Variants in DCAF8L2 observed in about 807,000 individuals in gnomAD.
DCAF8L2 encodes DDB1- and CUL4-associated factor 8-like protein 2.
For missense variants in DCAF8L2, 430 were observed against 490.7 expected (o/e 0.88, Z 1.17); for synonymous variants, 200 against 190.9 (o/e 1.05, Z -0.39).
chrX:27,517,824 G>C, the DCAF8L2 span: 1 of 1,088,105 alleles, frequency 9.2e-7, no homozygotes, highest in African/African-American at 1.8e-5. Flanking sequence ...ATCTGTCGCA[G>C]AGTCTTGTAC....
At chrX:27,548,683 T>A in the DCAF8L2 span, among the ~76,000 whole-genome samples, 1 of 111,886 alleles carries the variant, frequency 8.9e-6, no homozygotes, top group African/African-American at 3.2e-5. Context: ...CATACAGATA[T>A]AAGGTTTGAT....
At chrX:27,568,833 C>G in the DCAF8L2 span, among the ~76,000 whole-genome samples, 41 of 107,240 alleles carry the variant, frequency 3.8e-4, no homozygotes, top group Non-Finnish European at 9.6e-5. Flanking sequence ...CCCCCCACCC[C>G]ACAACAGGCC....
At chrX:27,519,079 G>T in the DCAF8L2 span, 61 of 1,045,343 alleles carry the variant, frequency 5.8e-5, no homozygotes, top group African/African-American at 9.3e-4. Context: ...GAAGTCTCAG[G>T]CTAGGGAGGG....
At chrX:27,473,237 C>T in the DCAF8L2 span, among the ~76,000 whole-genome samples, 2 of 112,204 alleles carry the variant, frequency 1.8e-5, no homozygotes, top group East Asian at 2.8e-4. Flanking sequence ...TAACTGATAA[C>T]TTTGTTCTTG....
chrX:27,505,516 G>C, the DCAF8L2 span, among the ~76,000 whole-genome samples: 1 of 111,524 alleles, frequency 9.0e-6, no homozygotes, highest in South Asian at 3.7e-4. Flanking sequence ...TCAATACATA[G>C]ATATATCATC....
the DCAF8L2 span, among the ~76,000 whole-genome samples, chrX:27,569,801 G>A: frequency 9.0e-6 from 1 of 111,500 alleles, no homozygotes; most frequent in Non-Finnish European, 1.9e-5. Context: ...CTGTTAATAC[G>A]CTAGCTTCTT....
At chrX:27,649,138 CT>C (rs1216734555) in intron 2 of DCAF8L2, among the ~76,000 whole-genome samples, 12 of 112,092 alleles carry the variant, frequency 1.1e-4, no homozygotes, top group African/African-American at 3.9e-4. Context: ...TGATTTTATT[CT>C]TTTTTTGTGG....
intron 3 of DCAF8L2, among the ~76,000 whole-genome samples, chrX:27,714,440 T>A (rs1931628841): frequency 9.0e-6 from 1 of 111,417 alleles, no homozygotes; most frequent in Non-Finnish European, 1.9e-5. Context: ...CTGTTTGTCA[T>A]AATAAGGCAA....
intron 2 of DCAF8L2, chrX:27,632,704 C>T (rs1928341212): frequency 9.0e-6 from 1 of 111,576 alleles, no homozygotes; most frequent in Non-Finnish European, 1.9e-5. Context: ...CCAAAGATGC[C>T]TACTCCTGAC....
At chrX:27,729,630 A>T (rs1050906797) in intron 4 of DCAF8L2, among the ~76,000 whole-genome samples, 1 of 111,848 alleles carries the variant, frequency 8.9e-6, no homozygotes, top group African/African-American at 3.3e-5. Flanking sequence ...TTTGGTTCAT[A>T]GATGGTATTT....
intron 3 of DCAF8L2, among the ~76,000 whole-genome samples, chrX:27,693,737 A>G (rs1930794389): frequency 8.9e-6 from 1 of 112,007 alleles, no homozygotes. Context: ...CTGTAGAGAA[A>G]AAGGAACGTT....
chrX:27,651,836 G>A lies in DCAF8L2; in HGVS notation c.-220+19836G>A, dbSNP rs181476538. 5.1e-4 allele frequency among the ~76,000 whole-genome samples: 56 copies of A among 110,465 alleles called. 1 individual carries two copies. Among genetic ancestry groups the A allele is most frequent in the Admixed American group, 4.7e-3 (49 of 10,316 alleles). ...ATAATCTTATGATCTATATTAATAC[G>A]ATCTTCTAGTATAACTTGCTCATTT... On this transcript the variant is annotated intron_variant, in intron 2 of 4. Coordinates refer to ENST00000451261, the MANE Select transcript of DCAF8L2 (RefSeq NM_001353450.2).
chrX:27,483,706 C>T, the DCAF8L2 span, among the ~76,000 whole-genome samples: 2 of 110,929 alleles, frequency 1.8e-5, no homozygotes, highest in Non-Finnish European at 3.8e-5. Context: ...CCCATTTATA[C>T]ACCAATTTTA....
At chrX:27,706,659 G>A (rs901848123) in intron 3 of DCAF8L2, among the ~76,000 whole-genome samples, 1 of 111,518 alleles carries the variant, frequency 9.0e-6, no homozygotes, top group Non-Finnish European at 1.9e-5. Flanking sequence ...TGGAGAAATT[G>A]GAAACCTCAT....
chrX:27,680,444 T>TA (rs1292772034), intron 3 of DCAF8L2, among the ~76,000 whole-genome samples: 1 of 112,306 alleles, frequency 8.9e-6, no homozygotes, highest in Non-Finnish European at 1.9e-5. Flanking sequence ...AAACACTCTG[T>TA]AAATCACTTC....
the DCAF8L2 span, among the ~76,000 whole-genome samples, chrX:27,503,370 T>C: frequency 9.0e-6 from 1 of 111,544 alleles, no homozygotes; most frequent in Non-Finnish European, 1.9e-5. Context: ...AAGAACTCTT[T>C]GCCTAACTCT....
chrX:27,513,278 A>G, the DCAF8L2 span, among the ~76,000 whole-genome samples: 1 of 112,476 alleles, frequency 8.9e-6, no homozygotes, highest in Non-Finnish European at 1.9e-5. Context: ...CTTCAGAGCA[A>G]TGGAAACTAT....
At chrX:27,618,245 A>G (rs1927567059) in intron 1 of DCAF8L2, among the ~76,000 whole-genome samples, 1 of 111,859 alleles carries the variant, frequency 8.9e-6, no homozygotes, top group Non-Finnish European at 1.9e-5. Context: ...CATAATCTAG[A>G]TTTTTAAGAG....
chrX:27,515,127 A>T, the DCAF8L2 span, among the ~76,000 whole-genome samples: 1 of 112,089 alleles, frequency 8.9e-6, no homozygotes, highest in Non-Finnish European at 1.9e-5. Context: ...TTGAAGCATC[A>T]TACTGTACAC....
Sources: gnomAD v4.1 joint callset for allele counts (sites outside exome capture counted in the v4.1 genomes callset) on GRCh38, gnomAD v4.1.1 for gene constraint, MANE v1.5 for transcripts, NCBI Gene and HGNC (gene_info 2026-07-23, HGNC 2026-07-21) for gene names.